SPATC1L: variants seen among roughly 807,000 people sequenced by gnomAD.
SPATC1L encodes the protein speriolin-like protein.
In SPATC1L, 20 loss-of-function variants were observed where a neutral mutation model predicts 21.2. The observed-to-expected ratio is 0.94, with a 90% CI of 0.66 to 1.37. SPATC1L has a LOEUF of 1.37. SPATC1L is among the 40% of genes most tolerant of loss of function. The pLI is 0.00. For missense variants in SPATC1L, 499 were observed against 478.7 expected (o/e 1.04, Z -0.40); for synonymous variants, 290 against 234.5 (o/e 1.24, Z -2.16).
At chr21:46,167,289 G>C (rs2079548463) in intron 3 of SPATC1L, among the ~76,000 whole-genome samples, 1 of 152,178 alleles carries the variant, frequency 6.6e-6, no homozygotes, top group Admixed American at 6.5e-5. Flanking sequence ...GCCATACTAA[G>C]AGCTATAGCT....
intron 2 of SPATC1L, among the ~76,000 whole-genome samples, chr21:46,174,332 C>CA (rs66721282): frequency 0.022 from 753 of 33,932 alleles, 21 homozygotes; most frequent in African/African-American, 0.052. Flanking sequence ...GACTCTGTCT[C>CA]AAAAAACAAA....
intron 2 of SPATC1L, among the ~76,000 whole-genome samples, chr21:46,177,544 C>T (rs895876335): frequency 6.6e-6 from 1 of 152,118 alleles, no homozygotes; most frequent in African/African-American, 2.4e-5. Flanking sequence ...TAAATAAAAA[C>T]CACAATGAGA....
rs1338298000 is a variant in SPATC1L at position 46,182,230 on chromosome 21, C to A, written c.193+394G>T. On this transcript the variant is annotated intron_variant, in intron 2 of 4. Coordinates refer to ENST00000291672, the MANE Select transcript of SPATC1L (RefSeq NM_001142854.2). The stretch of plus-strand genomic sequence containing the variant: ...GACTCGTGTGGCTGGTCTGACACCC[C>A]CCTCGCCCCTGACCCAGGAGAAGAG... 2.0e-5 allele frequency among the ~76,000 whole-genome samples: 3 copies of A among 152,188 alleles called. No homozygotes were observed. In the East Asian group the frequency reaches 5.8e-4, roughly 29 times the overall value.
At chr21:46,180,061 G>A (rs928960098) in intron 2 of SPATC1L, among the ~76,000 whole-genome samples, 1 of 151,564 alleles carries the variant, frequency 6.6e-6, no homozygotes, top group Non-Finnish European at 1.5e-5. Context: ...TTTGACCCGA[G>A]GACCCAGGTG....
At chr21:46,163,703 A>C (rs562412191) in intron 3 of SPATC1L, among the ~76,000 whole-genome samples, 1 of 152,332 alleles carries the variant, frequency 6.6e-6, no homozygotes, top group South Asian at 2.1e-4. Context: ...CTGTATGTCC[A>C]TCGTTATGGC....
intron 2 of SPATC1L, among the ~76,000 whole-genome samples, chr21:46,180,128 G>A (rs1397391433): frequency 2.0e-5 from 3 of 152,270 alleles, no homozygotes; most frequent in Admixed American, 1.3e-4. Flanking sequence ...CGGCGGCGGC[G>A]TCCACGGTCG....
chr21:46,168,583 A>T lies in SPATC1L; in HGVS notation c.269T>A (p.Leu90Gln), dbSNP rs1387903900. 4 of 1,451,146 alleles carry T rather than the reference A, an allele frequency of 2.8e-6. No homozygotes were observed. 89.9% of individuals were successfully genotyped at this position (1,451,146 alleles called of 1,614,324 possible). A position where few individuals can be genotyped will look rare whatever the true frequency, so the allele number is the denominator to read the frequency against. Residue 90 changes from leucine (L) to glutamine (Q), a missense_variant, in exon 3 of 5, where the codon CTG (leucine) becomes CAG (glutamine). Physicochemically the swap from Leu to Gln is moderately radical, Grantham distance 113. Transcript: ENST00000291672. ...GCTGGACAGGGGGGCATGTGAGCAC[A>T]GCAGGTCCTCCAGGGAGGATGTCTG... The part of the protein sequence containing the change: ...QLQTSSLEDL[L>Q]CSHAPLSSED...
Position 46,161,475 on chromosome 21 carries a change from G to A in SPATC1L, c.927C>T (p.Asp309=), listed in dbSNP as rs200257589. The part of the protein sequence containing the change: ...SPAALRKLVI[D]VVPPKFLGDS... ...CGCCCAGGAACTTGGGGGGCACCAC[G>A]TCGATGACCAGCTTGCGCAGCGCGG... Residue 309 remains aspartate, a synonymous_variant, in exon 5 of 5, where the codon GAC becomes GAT. Coordinates refer to ENST00000291672, the MANE Select transcript of SPATC1L (RefSeq NM_001142854.2). The A allele has an allele frequency of 2.5e-6, 4 of 1,600,128 alleles. No homozygotes were observed. Among genetic ancestry groups the A allele is most frequent in the East Asian group, 2.2e-5 (1 of 44,530 alleles).
At chr21:46,163,146 A>G (rs2079515282) in intron 3 of SPATC1L, among the ~76,000 whole-genome samples, 2 of 152,168 alleles carry the variant, frequency 1.3e-5, no homozygotes, top group Non-Finnish European at 2.9e-5. Context: ...AGAAATATCT[A>G]TTCAGGTCCT....
chr21:46,161,793 G>A (rs1555886554), intron 4 of SPATC1L, 88 bp from the exon 5 acceptor site: 6 of 1,488,518 alleles, frequency 4.0e-6, no homozygotes, highest in Middle Eastern at 2.4e-4. Context: ...TGCCCCGCCC[G>A]CCTGGGTCCC....
intron 2 of SPATC1L, among the ~76,000 whole-genome samples, chr21:46,169,374 T>A (rs1485696463): frequency 9.2e-6 from 1 of 108,566 alleles, no homozygotes; most frequent in Non-Finnish European, 1.9e-5. Flanking sequence ...TCTGTGAGCA[T>A]CCTCTGTGGA....
At chr21:46,178,962 T>C (rs1267025514) in intron 2 of SPATC1L, among the ~76,000 whole-genome samples, 1 of 150,348 alleles carries the variant, frequency 6.7e-6, no homozygotes, top group East Asian at 2.0e-4. Context: ...TAAATCCAGC[T>C]GGACAGTGGC....
intron 3 of SPATC1L, among the ~76,000 whole-genome samples, chr21:46,163,449 G>A (rs976103318): frequency 6.6e-6 from 1 of 152,156 alleles, no homozygotes; most frequent in African/African-American, 2.4e-5. Context: ...TTACCCCTAT[G>A]TCTTTTCTAC....
chr21:46,174,555 A>G (rs902611855), intron 2 of SPATC1L, among the ~76,000 whole-genome samples: 1 of 152,156 alleles, frequency 6.6e-6, no homozygotes, highest in Admixed American at 6.5e-5. Flanking sequence ...GAAGATCAAA[A>G]AAGACAAAGA....
chr21:46,171,772 C>G (rs2079592116), intron 2 of SPATC1L, among the ~76,000 whole-genome samples: 1 of 152,006 alleles, frequency 6.6e-6, no homozygotes, highest in Non-Finnish European at 1.5e-5. Context: ...CCCCAGAGGG[C>G]TGCAGGCCTG....
chr21:46,164,473 CT>C (rs1264088469), intron 3 of SPATC1L, among the ~76,000 whole-genome samples: 1 of 152,130 alleles, frequency 6.6e-6, no homozygotes, highest in Non-Finnish European at 1.5e-5. Context: ...TCTCCTCCTT[CT>C]GTATCAATGT....
chr21:46,161,322 G>C lies in SPATC1L; in HGVS notation c.*57C>G. On this transcript the variant is annotated 3_prime_UTR_variant, in exon 5 of 5. Coordinates refer to ENST00000291672, the MANE Select transcript of SPATC1L (RefSeq NM_001142854.2). ...CGGGGGGACGCGCAGGAGGCACCGC[G>C]GCCCCGGGTTGGAACAAACGCGTTT... 3 of 1,425,848 alleles carry C rather than the reference G, an allele frequency of 2.1e-6. No individual in the cohort carries two copies. The South Asian group carries it at 4.4e-5, about 21-fold the overall frequency. 88.3% of individuals were successfully genotyped at this position (1,425,848 alleles called of 1,614,324 possible). A position where few individuals can be genotyped will look rare whatever the true frequency, so the allele number is the denominator to read the frequency against.
intron 2 of SPATC1L, among the ~76,000 whole-genome samples, chr21:46,169,168 C>G (rs907946160): frequency 6.6e-6 from 1 of 152,284 alleles, no homozygotes; most frequent in Non-Finnish European, 1.5e-5. Flanking sequence ...AACCCTTGCC[C>G]TATTGATGGA....
At chr21:46,166,374 A>C (rs972727174) in intron 3 of SPATC1L, among the ~76,000 whole-genome samples, 2 of 152,164 alleles carry the variant, frequency 1.3e-5, no homozygotes, top group African/African-American at 4.8e-5. Context: ...TCCAAAAAAA[A>C]AAATTACAGC....
Sources: allele counts gnomAD v4.1 joint callset (sites outside exome capture counted in the v4.1 genomes callset), GRCh38; gene constraint gnomAD v4.1.1; transcripts MANE v1.5; gene names NCBI Gene and HGNC (gene_info 2026-07-23, HGNC 2026-07-21).